The following MAOA variants were observed in gnomAD, a reference collection of about 807,000 sequenced individuals.
The protein encoded by MAOA is monoamine oxidase A, also known as amine oxidase [flavin-containing] A.
In MAOA, 6 loss-of-function variants were observed where a neutral mutation model predicts 42.0. That is an observed-to-expected ratio of 0.14 (90% CI 0.08 to 0.28). The LOEUF (loss-of-function observed/expected upper bound fraction) is 0.28, where lower values mean the gene tolerates loss of function less well. MAOA is among the 10% of genes least tolerant of loss of function. The probability of loss-of-function intolerance (pLI) is 1.00; values close to 1 mark genes in which losing one functional copy is unlikely to be tolerated. For missense variants in MAOA, 262 were observed against 422.3 expected (o/e 0.62, Z 3.33); for synonymous variants, 140 against 154.0 (o/e 0.91, Z 0.67).
At position 43,741,944 on chromosome X, in the gene MAOA, C is replaced by A. The variant is rs772921033; in HGVS notation, c.1165-6C>A. 8.3e-7 allele frequency: 1 copy of A among 1,211,822 alleles called. No individual in the cohort carries two copies. Among genetic ancestry groups the A allele is most frequent in the Non-Finnish European group, 1.1e-6 (1 of 895,507 alleles). ...CTTTTGTATTTTCTTCCCCACTGAACTGCAGCCAGTGCATTATGAAGAGAA... is the reference window on the plus strand; with the variant it reads ...CTTTTGTATTTTCTTCCCCACTGAAATGCAGCCAGTGCATTATGAAGAGAA... On this transcript the variant is annotated splice_polypyrimidine_tract_variant and splice_region_variant and intron_variant, in intron 11 of 14. Coordinates refer to ENST00000338702, the MANE Select transcript of MAOA (RefSeq NM_000240.4).
chrX:43,680,472 C>T (rs1379976653), intron 1 of MAOA, among the ~76,000 whole-genome samples: 3 of 111,287 alleles, frequency 2.7e-5, no homozygotes, highest in Admixed American at 9.6e-5. Context: ...GTTCCTCTGT[C>T]CCCTAAGTAT....
chrX:43,724,236 A>T (rs987669092), intron 5 of MAOA, among the ~76,000 whole-genome samples: 2 of 111,654 alleles, frequency 1.8e-5, no homozygotes, highest in African/African-American at 6.5e-5. Flanking sequence ...TATTGATTGG[A>T]ATAGTTTCAG....
At position 43,663,175 on chromosome X, in the gene MAOA, A is replaced by G. The variant is rs192014093; in HGVS notation, c.73+6761A>G. 1.7e-3 allele frequency among the ~76,000 whole-genome samples: 186 copies of G among 110,653 alleles called. 2 individuals carry two copies. The highest frequency in any genetic ancestry group is 5.7e-3 in the African/African-American group (173 of 30,498). ...ACCCTCCTCAACGTTTTTTTCTTCT[A>G]TGCTTTATTCTGGGAAGAGTTTGCA... On this transcript the variant is annotated intron_variant, in intron 1 of 14. Coordinates refer to ENST00000338702, the MANE Select transcript of MAOA (RefSeq NM_000240.4).
intron 1 of MAOA, among the ~76,000 whole-genome samples, chrX:43,673,370 T>A (rs1569190500): frequency 9.0e-6 from 1 of 110,738 alleles, no homozygotes; most frequent in East Asian, 2.8e-4. Flanking sequence ...GTCAATTTTG[T>A]TGATCCTTTC....
At chrX:43,684,685 G>A (rs937489318) in intron 2 of MAOA, among the ~76,000 whole-genome samples, 1 of 111,126 alleles carries the variant, frequency 9.0e-6, no homozygotes, top group African/African-American at 3.3e-5. Flanking sequence ...GACTGTTGAA[G>A]TGACTGGAAA....
chrX:43,673,910 A>C (rs2147075952), intron 1 of MAOA, among the ~76,000 whole-genome samples: 1 of 109,110 alleles, frequency 9.2e-6, no homozygotes, highest in African/African-American at 3.3e-5. Flanking sequence ...TGCTGAAAAG[A>C]ATGTATATTC....
intron 1 of MAOA, among the ~76,000 whole-genome samples, chrX:43,681,717 A>T (rs1292976577): frequency 9.1e-6 from 1 of 109,903 alleles, no homozygotes; most frequent in Non-Finnish European, 1.9e-5. Context: ...TATAACTAGC[A>T]TTTTCTCCCT....
rs1280829715 is a variant in MAOA, at chrX:43,656,316, C to G, written c.-26C>G. The G allele has an allele frequency of 8.4e-7, 1 of 1,191,784 alleles. No individual in the cohort carries two copies. Among genetic ancestry groups the G allele is most frequent in the Non-Finnish European group, 1.1e-6 (1 of 878,439 alleles). ...TTTGCCGTCCCCACTCCTGTGCCTA[C>G]GACCCAGGAGCGTGTCAGCCAAAGC... is the stretch of plus-strand genomic sequence containing the variant. On this transcript the variant is annotated 5_prime_UTR_variant, in exon 1 of 15. Transcript: ENST00000338702.
intron 3 of MAOA, among the ~76,000 whole-genome samples, chrX:43,694,189 G>A (rs892693618): frequency 2.7e-5 from 3 of 111,515 alleles, no homozygotes; most frequent in African/African-American, 9.8e-5. Context: ...TGTCACTGAG[G>A]AAGGGGTCAT....
chrX:43,669,822 A>G (rs139628160), intron 1 of MAOA, among the ~76,000 whole-genome samples: 37 of 111,979 alleles, frequency 3.3e-4, no homozygotes, highest in African/African-American at 1.1e-3. Context: ...GAACACAATG[A>G]ACTTGAGAAT....
chrX:43,731,916 A>G (rs1017108901), intron 8 of MAOA, 63 bp downstream of exon 8: 27 of 1,006,967 alleles, frequency 2.7e-5, no homozygotes, highest in Non-Finnish European at 3.4e-5. Flanking sequence ...TTTTAGGATT[A>G]TTGAACAGAA....
At chrX:43,709,017 C>T (rs948946171) in intron 3 of MAOA, among the ~76,000 whole-genome samples, 6 of 110,166 alleles carry the variant, frequency 5.4e-5, no homozygotes, top group African/African-American at 2.0e-4. Context: ...CCCATCACCA[C>T]GCCCTGCTAA....
intron 3 of MAOA, among the ~76,000 whole-genome samples, chrX:43,699,255 A>G (rs1173161216): frequency 8.9e-6 from 1 of 111,902 alleles, no homozygotes; most frequent in Non-Finnish European, 1.9e-5. Flanking sequence ...AGTAAATAAG[A>G]TGCTCCATCA....
intron 2 of MAOA, among the ~76,000 whole-genome samples, chrX:43,684,314 A>G (rs1421566987): frequency 2.7e-5 from 3 of 110,955 alleles, no homozygotes; most frequent in Non-Finnish European, 5.7e-5. Flanking sequence ...CAGGTGGTTG[A>G]CTCTGTGGGT....
chrX:43,712,444 GTCA>G (rs1268059774), intron 4 of MAOA, among the ~76,000 whole-genome samples: 4 of 111,482 alleles, frequency 3.6e-5, no homozygotes, highest in Admixed American at 1.9e-4. Context: ...GATGATAATT[GTCA>G]TCATTATAAT....
intron 11 of MAOA, among the ~76,000 whole-genome samples, chrX:43,741,314 C>T (rs149827600): frequency 4.3e-4 from 48 of 111,039 alleles, no homozygotes; most frequent in African/African-American, 1.4e-3. Context: ...AATGGCTGAG[C>T]GCTCTTTCAG....
At chrX:43,732,303 C>T (rs945637350) in intron 8 of MAOA, among the ~76,000 whole-genome samples, 47 of 111,766 alleles carry the variant, frequency 4.2e-4, no homozygotes, top group African/African-American at 1.5e-3. Context: ...GAAAGCTGCC[C>T]AGATATGGTG....
At chrX:43,659,935 G>A (rs1433878456) in intron 1 of MAOA, among the ~76,000 whole-genome samples, 1 of 110,554 alleles carries the variant, frequency 9.0e-6, no homozygotes, top group Non-Finnish European at 1.9e-5. Flanking sequence ...AAAGTATTTT[G>A]TATAAATGTA....
At chrX:43,738,662 A>T (rs1203888457) in intron 10 of MAOA, among the ~76,000 whole-genome samples, 1 of 110,743 alleles carries the variant, frequency 9.0e-6, no homozygotes, top group African/African-American at 3.3e-5. Flanking sequence ...CCACAAAAAA[A>T]TAAAAAAATT....
Sources: allele counts gnomAD v4.1 joint callset (sites outside exome capture counted in the v4.1 genomes callset), GRCh38; gene constraint gnomAD v4.1.1; transcripts MANE v1.5; gene names NCBI Gene and HGNC (gene_info 2026-07-23, HGNC 2026-07-21).